DTD1: variants seen among roughly 807,000 people sequenced by gnomAD.
DTD1 encodes D-tyrosyl-tRNA deacylase 1 homolog.
A neutral mutation model predicts 25.6 loss-of-function variants in DTD1; 13 were observed. The ratio of observed to expected loss-of-function variants is 0.51; its 90% confidence interval spans 0.33 to 0.81. DTD1 has a LOEUF of 0.81. Ranked by LOEUF, DTD1 falls within the 30% of genes least tolerant of loss-of-function variation. The pLI is 0.02. For synonymous variants in DTD1, 110 were observed against 103.6 expected, an observed-to-expected ratio of 1.06 and a Z score of -0.37; for missense variants, 193 against 266.4, an observed-to-expected ratio of 0.72 and a Z score of 1.92.
intron 5 of DTD1, among the ~76,000 whole-genome samples, chr20:18,747,975 C>T (rs950666681): frequency 1.3e-5 from 2 of 152,062 alleles, no homozygotes; most frequent in Non-Finnish European, 2.9e-5. Context: ...GCCAAGATTG[C>T]GCTACTGCAC....
intron 4 of DTD1, among the ~76,000 whole-genome samples, chr20:18,654,000 C>G (rs541413857): frequency 1.3e-5 from 2 of 152,340 alleles, no homozygotes; most frequent in African/African-American, 4.8e-5. Context: ...GTCTTTCAGG[C>G]TGCACTGCTT....
intron 4 of DTD1, among the ~76,000 whole-genome samples, chr20:18,707,467 A>G (rs2061131276): frequency 6.6e-6 from 1 of 152,022 alleles, no homozygotes; most frequent in South Asian, 2.1e-4. Context: ...CAATATACCA[A>G]ACTGTGGTGG....
At chr20:18,748,743 T>C (rs11698640) in intron 5 of DTD1, among the ~76,000 whole-genome samples, 21,932 of 152,234 alleles carry the variant, frequency 0.14, 1,691 homozygotes, top group Admixed American at 0.2. Flanking sequence ...CTCGTAGGTA[T>C]CTACTTCTTG....
intron 3 of DTD1, 148 bp from the exon 4 acceptor site, chr20:18,627,977 CTG>C (rs1188168989): frequency 3.2e-6 from 2 of 622,284 alleles, no homozygotes; most frequent in Non-Finnish European, 5.4e-6. Context: ...CCGTGAGGAA[CTG>C]TGAGTCCGTT....
intron 4 of DTD1, among the ~76,000 whole-genome samples, chr20:18,666,749 T>TA (rs1372046300): frequency 6.6e-6 from 1 of 152,222 alleles, no homozygotes; most frequent in African/African-American, 2.4e-5. Context: ...TTTCTCTACT[T>TA]AATTTTTTTT....
In DTD1 at chr20:18,708,217, TAA is replaced by T. The variant is rs55965116; in HGVS notation, c.478-35882_478-35881del. 8.8e-3 allele frequency among the ~76,000 whole-genome samples: 78 copies of T among 8,852 alleles called. 6 individuals carry two copies. The highest frequency in any genetic ancestry group is 0.014 in the African/African-American group (71 of 5,166). 5.8% of individuals were successfully genotyped at this position (8,852 alleles called of 152,430 possible). On this transcript the variant is annotated intron_variant, in intron 4 of 5. Coordinates refer to ENST00000377452, the MANE Select transcript of DTD1 (RefSeq NM_080820.6). ...ATATTATATATATATTTTATATATA[TAA>T]TATATATATATTTTATATATATATA... is the stretch of plus-strand genomic sequence containing the variant.
At position 18,716,445 on chromosome 20, in the gene DTD1, C is replaced by T. The variant is rs566156589; in HGVS notation, c.478-27655C>T. ...CTCTCACCAGGAGACACATGCCACC[C>T]GCAGGTGGCTGCCGGGTCTCACGGG... On this transcript the variant is annotated intron_variant, in intron 4 of 5. Transcript: ENST00000377452. Among the ~76,000 whole-genome samples, 25 of 152,324 alleles carry T rather than the reference C, an allele frequency of 1.6e-4. No individual in the cohort carries two copies. The South Asian group carries it at 2.5e-3, about 15-fold the overall frequency.
At chr20:18,707,761 A>G (rs1600382353) in intron 4 of DTD1, among the ~76,000 whole-genome samples, 1 of 151,940 alleles carries the variant, frequency 6.6e-6, no homozygotes, top group Non-Finnish European at 1.5e-5. Context: ...ACACGCGCGC[A>G]CACACACACA....
chr20:18,730,053 G>C (rs989021032), intron 4 of DTD1, among the ~76,000 whole-genome samples: 1 of 152,146 alleles, frequency 6.6e-6, no homozygotes, highest in African/African-American at 2.4e-5. Context: ...CCTCAGAGCT[G>C]ACTCTTGTAC....
Position 18,596,168 on chromosome 20 carries a change from G to C in DTD1, c.297G>C (p.Thr99=). The C allele has an allele frequency of 1.9e-6, 3 of 1,614,160 alleles. No homozygotes were observed. Among genetic ancestry groups the C allele is most frequent in the Non-Finnish European group, 2.5e-6 (3 of 1,180,028 alleles). The change falls in exon 3 of 6, where the codon ACG becomes ACC. Residue 99 remains threonine (T), a synonymous_variant. Coordinates refer to ENST00000377452, the MANE Select transcript of DTD1 (RefSeq NM_080820.6). The part of the protein sequence containing the change: ...NKPDFHLAMP[T]EQAEGFYNSF... ...CTGATTTCCACCTAGCAATGCCCACGGAGCAGGCAGAGGGCTTCTACAACA... is the reference window on the plus strand; with the variant it reads ...CTGATTTCCACCTAGCAATGCCCACCGAGCAGGCAGAGGGCTTCTACAACA...
chr20:18,596,033 A>G lies in DTD1; in HGVS notation c.162A>G (p.Val54=). 1 of 1,614,080 alleles carries G rather than the reference A, an allele frequency of 6.2e-7. No individual in the cohort carries two copies. The highest frequency in any genetic ancestry group is 8.5e-7 in the Non-Finnish European group (1 of 1,180,024). The change falls in exon 3 of 6, where the codon GTA becomes GTG. Residue 54 remains valine (V), a synonymous_variant. Transcript: ENST00000377452. ...TCCGAAAGATTCTAAACCTGCGTGT[A>G]TTTGAGGATGAGAGTGGGAAGCACT... ...HMVRKILNLR[V]FEDESGKHWS... is the part of the protein sequence containing the mutation.
intron 1 of DTD1, among the ~76,000 whole-genome samples, chr20:18,589,207 C>T (rs963786746): frequency 2.0e-5 from 3 of 151,692 alleles, no homozygotes; most frequent in African/African-American, 4.8e-5. Context: ...AAAAATTAGC[C>T]GGGAGCGGTG....
At chr20:18,588,513 A>G (rs1296443688) in intron 1 of DTD1, among the ~76,000 whole-genome samples, 1 of 152,036 alleles carries the variant, frequency 6.6e-6, no homozygotes, top group Non-Finnish European at 1.5e-5. Context: ...CTCCCTTTTC[A>G]CTGCTGTATT....
intron 4 of DTD1, among the ~76,000 whole-genome samples, chr20:18,676,183 T>G (rs1258686567): frequency 6.6e-6 from 1 of 152,142 alleles, no homozygotes; most frequent in Non-Finnish European, 1.5e-5. Context: ...CCTGTAATGC[T>G]GGGGTAGAGA....
chr20:18,629,787 A>G (rs992354283), intron 4 of DTD1, among the ~76,000 whole-genome samples: 3 of 152,084 alleles, frequency 2.0e-5, no homozygotes, highest in African/African-American at 7.2e-5. Flanking sequence ...ACTTACAATC[A>G]TGGTGGAAGG....
chr20:18,692,060 G>A (rs2061049737), intron 4 of DTD1: 1 of 152,100 alleles, frequency 6.6e-6, no homozygotes, highest in Admixed American at 6.5e-5. Context: ...TTACAACTTA[G>A]GGCACAATAA....
At chr20:18,738,220 G>A (rs184409236) in intron 4 of DTD1, among the ~76,000 whole-genome samples, 13 of 152,322 alleles carry the variant, frequency 8.5e-5, no homozygotes, top group East Asian at 5.8e-4. Context: ...GGAAGAATGC[G>A]GGGTTTGGCG....
chr20:18,622,547 G>A (rs1361673735), intron 3 of DTD1, among the ~76,000 whole-genome samples: 1 of 152,186 alleles, frequency 6.6e-6, no homozygotes, highest in African/African-American at 2.4e-5. Flanking sequence ...GAGCCATGCT[G>A]ATTAAACCTT....
chr20:18,628,079 G>A (rs1329115323), intron 3 of DTD1, 48 bp from the exon 4 acceptor site: 1 of 1,504,414 alleles, frequency 6.6e-7, no homozygotes, highest in East Asian at 2.3e-5. Context: ...TTTGGATGGA[G>A]TAATCTGGTG....
Sources: gnomAD v4.1 joint callset for allele counts (sites outside exome capture counted in the v4.1 genomes callset) on GRCh38, gnomAD v4.1.1 for gene constraint, MANE v1.5 for transcripts, NCBI Gene and HGNC (gene_info 2026-07-23, HGNC 2026-07-21) for gene names.